FTCDNL1: variants seen among roughly 807,000 people sequenced by gnomAD.
The protein encoded by FTCDNL1 is formiminotransferase cyclodeaminase N-terminal like.
Under a neutral mutation model 5.9 loss-of-function variants are expected in FTCDNL1, and 11 were observed. The observed-to-expected ratio is 1.87, with a 90% CI of 1.18 to 3.10. The LOEUF (loss-of-function observed/expected upper bound fraction) is 3.10, where lower values mean the gene tolerates loss of function less well. Ranked by LOEUF, FTCDNL1 falls within the 30% of genes most tolerant of loss-of-function variation. The pLI is 0.00. For missense variants in FTCDNL1, 115 were observed against 65.5 expected (o/e 1.76, Z -2.61); for synonymous variants, 58 against 24.8 (o/e 2.34, Z -3.99).
At chr2:199,695,371 T>C in the FTCDNL1 span, among the ~76,000 whole-genome samples, 4 of 152,194 alleles carry the variant, frequency 2.6e-5, no homozygotes, top group African/African-American at 9.7e-5. Context: ...ATAATCCATG[T>C]GGCTATTGGG....
At chr2:199,825,991 A>G (rs1345664764) in intron 3 of FTCDNL1, among the ~76,000 whole-genome samples, 1 of 145,320 alleles carries the variant, frequency 6.9e-6, no homozygotes, top group Non-Finnish European at 1.6e-5. Context: ...TCCAGCCATA[A>G]CTTAGTGTAA....
the FTCDNL1 span, among the ~76,000 whole-genome samples, chr2:199,721,101 CTTTT>C: frequency 6.6e-6 from 1 of 152,108 alleles, no homozygotes; most frequent in Non-Finnish European, 1.5e-5. Flanking sequence ...TTGTCTCTTT[CTTTT>C]GTCTTATGTT....
At chr2:199,813,912 CAAAAAA>C (rs397987315) in intron 4 of FTCDNL1, among the ~76,000 whole-genome samples, 6 of 106,382 alleles carry the variant, frequency 5.6e-5, no homozygotes, top group African/African-American at 7.5e-5. Context: ...GACTCTGTCT[CAAAAAA>C]AAAAAAAAAA....
intron 3 of FTCDNL1, among the ~76,000 whole-genome samples, chr2:199,820,194 T>G (rs1008441541): frequency 5.3e-5 from 8 of 152,236 alleles, no homozygotes; most frequent in African/African-American, 1.9e-4. Flanking sequence ...CAAGGGCCAG[T>G]AACCACACTG....
At chr2:199,681,448 C>A in the FTCDNL1 span, among the ~76,000 whole-genome samples, 1 of 151,584 alleles carries the variant, frequency 6.6e-6, no homozygotes, top group Non-Finnish European at 1.5e-5. Context: ...AAGAGTGAAA[C>A]CCCATCTCCA....
intron 4 of FTCDNL1, chr2:199,819,274 G>A (rs1341499838): frequency 5.7e-6 from 2 of 353,390 alleles, no homozygotes; most frequent in Non-Finnish European, 1.1e-5. Flanking sequence ...CCAGGACCCT[G>A]CCCCAGTGCC....
At chr2:199,766,285 G>C (rs1009663885) in intron 3 of FTCDNL1, among the ~76,000 whole-genome samples, 10 of 152,174 alleles carry the variant, frequency 6.6e-5, no homozygotes, top group Non-Finnish European at 1.5e-4. Context: ...GAAATAATGT[G>C]TAGCCACCAC....
At chr2:199,686,461 C>T in the FTCDNL1 span, among the ~76,000 whole-genome samples, 13 of 152,090 alleles carry the variant, frequency 8.5e-5, no homozygotes, top group African/African-American at 3.1e-4. Flanking sequence ...TTTCATCATT[C>T]CATAGGTTCA....
intron 3 of FTCDNL1, among the ~76,000 whole-genome samples, chr2:199,803,898 GGTT>G (rs1365545488): frequency 2.6e-5 from 4 of 152,270 alleles, no homozygotes; most frequent in Non-Finnish European, 5.9e-5. Context: ...TGCTCCAGAG[GGTT>G]GTTGTGAAAA....
chr2:199,846,106 G>T lies in FTCDNL1; in HGVS notation c.180C>A (p.Val60=). The T allele has an allele frequency of 2.9e-6, 2 of 699,536 alleles. No homozygotes were observed. Among genetic ancestry groups the T allele is most frequent in the South Asian group, 3.0e-5 (2 of 66,890 alleles). 43.3% of individuals were successfully genotyped at this position (699,536 alleles called of 1,614,324 possible). A position where few individuals can be genotyped will look rare whatever the true frequency, so the allele number is the denominator to read the frequency against. ...TATCAACAGAAGTTGCTATTGTAATGACTGATCTCTTGTAGTCTTGATCGG... is the reference window on the plus strand; with the variant it reads ...TATCAACAGAAGTTGCTATTGTAATTACTGATCTCTTGTAGTCTTGATCGG... The part of the protein sequence containing the change: ...IFSDQDYKRS[V]ITIATSVDKL... The change falls in exon 3 of 5, where the codon GTC becomes GTA. Residue 60 remains valine (V), a synonymous_variant. Transcript: ENST00000420128.
chr2:199,714,851 C>A, the FTCDNL1 span, among the ~76,000 whole-genome samples: 2 of 151,264 alleles, frequency 1.3e-5, no homozygotes, highest in African/African-American at 4.9e-5. Context: ...AGGAAAAAAA[C>A]CAAACACCGC....
intron 3 of FTCDNL1, among the ~76,000 whole-genome samples, chr2:199,832,327 T>C (rs2106583451): frequency 6.6e-6 from 1 of 152,286 alleles, no homozygotes; most frequent in African/African-American, 2.4e-5. Context: ...CACACAGTTA[T>C]TTCATGGACT....
the FTCDNL1 span, among the ~76,000 whole-genome samples, chr2:199,747,424 G>A: frequency 6.6e-6 from 1 of 152,102 alleles, no homozygotes; most frequent in East Asian, 1.9e-4. Context: ...GGGCTGCAAG[G>A]CCTCGAGCCT....
the FTCDNL1 span, among the ~76,000 whole-genome samples, chr2:199,754,716 C>G: frequency 2.6e-5 from 4 of 152,124 alleles, no homozygotes; most frequent in African/African-American, 4.8e-5. Context: ...ATCCTGTGAA[C>G]GTTGTTCACA....
the FTCDNL1 span, among the ~76,000 whole-genome samples, chr2:199,695,545 G>C: frequency 6.6e-6 from 1 of 152,038 alleles, no homozygotes; most frequent in African/African-American, 2.4e-5. Context: ...GAGACTCTGG[G>C]CTGAAGGGAG....
At chr2:199,689,702 T>C in the FTCDNL1 span, among the ~76,000 whole-genome samples, 3 of 151,128 alleles carry the variant, frequency 2.0e-5, no homozygotes, top group Non-Finnish European at 4.4e-5. Context: ...TGTAAGCTAC[T>C]CGGGAGGCTG....
At chr2:199,800,686 A>G (rs1249392407) in intron 3 of FTCDNL1, among the ~76,000 whole-genome samples, 2 of 152,244 alleles carry the variant, frequency 1.3e-5, no homozygotes, top group Non-Finnish European at 2.9e-5. Context: ...AATATAAAAT[A>G]ACTCATTCCT....
At chr2:199,700,940 T>C in the FTCDNL1 span, among the ~76,000 whole-genome samples, 1 of 151,674 alleles carries the variant, frequency 6.6e-6, no homozygotes, top group East Asian at 1.9e-4. Context: ...AAAAGGTCAG[T>C]TCGCTGCCAG....
the FTCDNL1 span, among the ~76,000 whole-genome samples, chr2:199,669,324 A>G: frequency 6.6e-6 from 1 of 152,202 alleles, no homozygotes; most frequent in Non-Finnish European, 1.5e-5. Flanking sequence ...AAATAAATAA[A>G]TAAAAGCAAA....
Sources: allele counts gnomAD v4.1 joint callset (sites outside exome capture counted in the v4.1 genomes callset), GRCh38; gene constraint gnomAD v4.1.1; transcripts MANE v1.5; gene names NCBI Gene and HGNC (gene_info 2026-07-23, HGNC 2026-07-21).